Variants in ABCA4 observed in about 807,000 individuals in gnomAD.
ABCA4 encodes ATP binding cassette subfamily A member 4, also known as retinal-specific phospholipid-transporting ATPase ABCA4.
A neutral mutation model predicts 263.7 loss-of-function variants in ABCA4; 196 were observed. The observed-to-expected ratio is 0.74, with a 90% confidence interval of 0.66 to 0.84. The LOEUF is 0.84. Ranked by LOEUF, ABCA4 falls within the 40% of genes least tolerant of loss-of-function variation. ABCA4 has a pLI of 0.00. For missense variants in ABCA4, 2,792 were observed against 2,855.1 expected (o/e 0.98, Z 0.50); for synonymous variants, 1,133 against 1,094.2 (o/e 1.04, Z -0.70).
chr1:94,082,979 G>T (rs1661740842), intron 7 of ABCA4, among the ~76,000 whole-genome samples: 1 of 152,222 alleles, frequency 6.6e-6, no homozygotes, highest in Admixed American at 6.5e-5. Context: ...AAAGGTGTAT[G>T]CTATTATTAT....
At chr1:94,114,435 C>T (rs773125631) in intron 1 of ABCA4, among the ~76,000 whole-genome samples, 16 of 151,888 alleles carry the variant, frequency 1.1e-4, no homozygotes, top group Non-Finnish European at 1.9e-4. Flanking sequence ...TTGGAGGAAG[C>T]GCGCACACAC....
Position 94,037,139 on chromosome 1 carries a change from C to T in ABCA4, c.3813+6G>A, listed in dbSNP as rs1432000069. 1.9e-6 allele frequency: 3 copies of T among 1,613,700 alleles called. 1 individual carries two copies. The South Asian group carries it at 3.3e-5, about 18-fold the overall frequency. On this transcript the variant is annotated splice_donor_region_variant and intron_variant, in intron 25 of 49. Coordinates refer to ENST00000370225, the MANE Select transcript of ABCA4 (RefSeq NM_000350.3). ...TGACAGAAACCAGCTGGAATCTCTA[C>T]TTTACCTCTTCCAGGGGAGTGTCAG... is the stretch of plus-strand genomic sequence containing the variant.
chr1:94,028,930 A>AAAACAAAAC (rs35998587), intron 30 of ABCA4, among the ~76,000 whole-genome samples: 28 of 108,026 alleles, frequency 2.6e-4, no homozygotes, highest in Non-Finnish European at 3.8e-4. Context: ...AAAAAAAAAA[A>AAAACAAAAC]GAAATTCAAA....
chr1:94,117,777 C>T (rs986052491), intron 1 of ABCA4, among the ~76,000 whole-genome samples: 5 of 152,178 alleles, frequency 3.3e-5, no homozygotes, highest in Non-Finnish European at 5.9e-5. Flanking sequence ...CCACGTTGTG[C>T]TGCACAGTAA....
At chr1:94,052,540 GT>G (rs1342823046) in intron 16 of ABCA4, among the ~76,000 whole-genome samples, 2 of 152,184 alleles carry the variant, frequency 1.3e-5, no homozygotes, top group African/African-American at 4.8e-5. Flanking sequence ...GTAAATAGCT[GT>G]TGAATAAATG....
intron 19 of ABCA4, 26 bp from the exon 20 acceptor site, chr1:94,044,770 G>A: frequency 6.2e-7 from 1 of 1,614,210 alleles, no homozygotes; most frequent in East Asian, 2.2e-5. Context: ...GTCAGTGGCA[G>A]AAGAGATGGC....
intron 47 of ABCA4, among the ~76,000 whole-genome samples, 161 bp downstream of exon 47, chr1:94,000,675 T>C (rs1337730032): frequency 6.6e-6 from 1 of 152,186 alleles, no homozygotes; most frequent in East Asian, 1.9e-4. Flanking sequence ...ATCAGCATGA[T>C]GGCCTTCTCC....
At chr1:94,051,311 C>T (rs1043716500) in intron 17 of ABCA4, among the ~76,000 whole-genome samples, 3 of 152,224 alleles carry the variant, frequency 2.0e-5, no homozygotes, top group Admixed American at 1.3e-4. Context: ...CTGCTTTATA[C>T]TGAAAAGCTG....
intron 11 of ABCA4, among the ~76,000 whole-genome samples, chr1:94,072,778 A>G (rs1378516239): frequency 1.3e-5 from 2 of 152,172 alleles, no homozygotes; most frequent in African/African-American, 4.8e-5. Context: ...AACCACCATC[A>G]TCTATTTTCC....
intron 7 of ABCA4, among the ~76,000 whole-genome samples, chr1:94,082,443 A>G (rs766287831): frequency 7.2e-5 from 11 of 152,218 alleles, no homozygotes; most frequent in Admixed American, 6.5e-4. Context: ...TTGTAGTGAT[A>G]TAAATTTTTT....
chr1:94,077,968 T>A (rs1280429203), intron 10 of ABCA4, 81 bp from the exon 11 acceptor site: 2 of 1,404,190 alleles, frequency 1.4e-6, no homozygotes, highest in African/African-American at 1.4e-5. Context: ...CATTTCTAAT[T>A]TTTAGTGATT....
intron 10 of ABCA4, 70 bp downstream of exon 10, chr1:94,078,520 A>T: frequency 8.4e-7 from 1 of 1,186,028 alleles, no homozygotes; most frequent in Non-Finnish European, 1.3e-6. Context: ...GGGAAAAGGA[A>T]ACAAGTGGAA....
intron 28 of ABCA4, 120 bp downstream of exon 28, chr1:94,030,876 C>T (rs955993424): frequency 1.4e-6 from 2 of 1,459,166 alleles, no homozygotes; most frequent in Admixed American, 1.8e-5. Context: ...CCCAAAGACC[C>T]CTCCCCTCTC....
chr1:94,082,742 T>C (rs1180190405), intron 7 of ABCA4, among the ~76,000 whole-genome samples: 1 of 152,214 alleles, frequency 6.6e-6, no homozygotes, highest in Non-Finnish European at 1.5e-5. Context: ...CCATCTCTCT[T>C]TCCCACAGGG....
chr1:94,112,876 G>C (rs1158462785), intron 2 of ABCA4, 97 bp downstream of exon 2: 1 of 862,564 alleles, frequency 1.2e-6, no homozygotes, highest in Non-Finnish European at 2.0e-6. Context: ...ATGATAAGCA[G>C]ATCTGATCCC....
chr1:94,005,344 G>C, intron 44 of ABCA4, 97 bp downstream of exon 44: 1 of 1,462,306 alleles, frequency 6.8e-7, no homozygotes, highest in Non-Finnish European at 9.5e-7. Context: ...TGAATGAATA[G>C]CACGCTTCAG....
chr1:94,087,238 CT>C (rs1489537670), intron 6 of ABCA4, among the ~76,000 whole-genome samples: 1 of 152,158 alleles, frequency 6.6e-6, no homozygotes, highest in Non-Finnish European at 1.5e-5. Flanking sequence ...TTTTATCCCC[CT>C]GTTGCCTAAA....
At chr1:94,043,313 T>C (rs376396431) in intron 21 of ABCA4, 23 bp downstream of exon 21, 14 of 1,613,794 alleles carry the variant, frequency 8.7e-6, no homozygotes, top group Non-Finnish European at 1.1e-5. Flanking sequence ...TCTGTGGCCC[T>C]GTCTCCATCC....
In ABCA4 at chr1:94,121,112, G is replaced by C; in HGVS notation, c.-67C>G. 6.9e-7 allele frequency: 1 copy of C among 1,446,114 alleles called. No individual in the cohort carries two copies. Among genetic ancestry groups the C allele is most frequent in the Non-Finnish European group, 9.7e-7 (1 of 1,027,118 alleles). 89.6% of individuals were successfully genotyped at this position (1,446,114 alleles called of 1,614,324 possible). A position where few individuals can be genotyped will look rare whatever the true frequency, so the allele number is the denominator to read the frequency against. On this transcript the variant is annotated 5_prime_UTR_variant, in exon 1 of 50. Coordinates refer to ENST00000370225, the MANE Select transcript of ABCA4 (RefSeq NM_000350.3). Reference sequence around the variant, plus strand: ...CCCTCAGACAGCAAAGGACATAAACGCCGTTAAGAGCGCCTCTGGCTCCGG... The same window carrying C: ...CCCTCAGACAGCAAAGGACATAAACCCCGTTAAGAGCGCCTCTGGCTCCGG...
Sources: allele counts gnomAD v4.1 joint callset (sites outside exome capture counted in the v4.1 genomes callset), GRCh38; gene constraint gnomAD v4.1.1; transcripts MANE v1.5; gene names NCBI Gene and HGNC (gene_info 2026-07-23, HGNC 2026-07-21).